TMEM132B: variants seen among roughly 807,000 people sequenced by gnomAD.
TMEM132B encodes transmembrane protein 132B.
TMEM132B carries 18 observed loss-of-function variants against 90.8 expected under a neutral mutation model. The observed-to-expected ratio is 0.20, with a 90% confidence interval of 0.14 to 0.29. TMEM132B has a LOEUF of 0.29. Among genes scored for constraint, TMEM132B ranks in the 10% least tolerant of loss-of-function variants. The probability of loss-of-function intolerance (pLI) is 1.00; values close to 1 mark genes in which losing one functional copy is unlikely to be tolerated. For missense variants in TMEM132B, 1,096 were observed against 1,326.8 expected, an observed-to-expected ratio of 0.83 and a Z score of 2.70; for synonymous variants, 504 against 523.3, an observed-to-expected ratio of 0.96 and a Z score of 0.50.
intron 5 of TMEM132B, among the ~76,000 whole-genome samples, chr12:125,600,059 T>C (rs1158157905): frequency 6.6e-6 from 1 of 152,220 alleles, no homozygotes; most frequent in Non-Finnish European, 1.5e-5. Context: ...GTTTGGGTTT[T>C]ATGCTATCAT....
intron 3 of TMEM132B, among the ~76,000 whole-genome samples, chr12:125,438,174 T>C (rs533767295): frequency 6.6e-6 from 1 of 152,338 alleles, no homozygotes; most frequent in South Asian, 2.1e-4. Flanking sequence ...GAATTAAACA[T>C]ATTTTTAAGA....
intron 2 of TMEM132B, among the ~76,000 whole-genome samples, chr12:125,400,165 CT>C (rs1879277987): frequency 6.6e-6 from 1 of 152,202 alleles, no homozygotes; most frequent in African/African-American, 2.4e-5. Context: ...AGTAGAAGCA[CT>C]GAAATAACTA....
intron 2 of TMEM132B, among the ~76,000 whole-genome samples, chr12:125,381,042 A>G (rs979865373): frequency 2.0e-5 from 3 of 152,184 alleles, no homozygotes; most frequent in Admixed American, 1.3e-4. Context: ...CAGAGAGAGA[A>G]AGGAAGACAC....
chr12:125,345,682 T>C (rs1211962337), intron 1 of TMEM132B, among the ~76,000 whole-genome samples: 1 of 152,188 alleles, frequency 6.6e-6, no homozygotes, highest in Admixed American at 6.5e-5. Context: ...GTGTTCTCTC[T>C]GAACCTGAAC....
At chr12:125,403,194 A>C (rs544291039) in intron 2 of TMEM132B, among the ~76,000 whole-genome samples, 2 of 152,138 alleles carry the variant, frequency 1.3e-5, no homozygotes, top group Non-Finnish European at 2.9e-5. Context: ...GAGACTCCCC[A>C]CTGAGCTGCT....
At chr12:125,205,157 T>G (rs983236941) in intron 1 of TMEM132B, among the ~76,000 whole-genome samples, 2 of 149,098 alleles carry the variant, frequency 1.3e-5, no homozygotes, top group Non-Finnish European at 3.0e-5. Flanking sequence ...ATCCTTTCAG[T>G]GAGGGCTCCA....
chr12:125,400,191 C>A (rs1879279202), intron 2 of TMEM132B, among the ~76,000 whole-genome samples: 1 of 152,180 alleles, frequency 6.6e-6, no homozygotes, highest in East Asian at 1.9e-4. Context: ...CATTCTTTTT[C>A]TTGTAAAAAT....
intron 1 of TMEM132B, among the ~76,000 whole-genome samples, chr12:125,283,367 G>A (rs924379812): frequency 6.6e-6 from 1 of 152,006 alleles, no homozygotes; most frequent in Non-Finnish European, 1.5e-5. Context: ...ATTATATTCC[G>A]GAAAGCTATT....
intron 3 of TMEM132B, among the ~76,000 whole-genome samples, chr12:125,514,969 G>A (rs1301115220): frequency 6.6e-6 from 1 of 152,144 alleles, no homozygotes; most frequent in Non-Finnish European, 1.5e-5. Context: ...GGGTCCCAGG[G>A]CTCCAGAGAG....
At chr12:125,509,147 C>G (rs994670904) in intron 3 of TMEM132B, among the ~76,000 whole-genome samples, 1 of 152,126 alleles carries the variant, frequency 6.6e-6, no homozygotes, top group Non-Finnish European at 1.5e-5. Flanking sequence ...ATATAACAGG[C>G]ACAGGGCTGG....
chr12:125,588,882 G>T (rs987221276), intron 5 of TMEM132B, among the ~76,000 whole-genome samples: 8 of 152,108 alleles, frequency 5.3e-5, no homozygotes, highest in African/African-American at 1.7e-4. Context: ...ACTTGTAATT[G>T]AATTGTTAAA....
intron 2 of TMEM132B, among the ~76,000 whole-genome samples, chr12:125,366,676 TTG>T (rs1248452770): frequency 1.3e-5 from 2 of 152,224 alleles, no homozygotes; most frequent in Non-Finnish European, 2.9e-5. Context: ...CTTGGGTTTG[TTG>T]TGTAGTTAAA....
At chr12:125,299,101 C>T (rs373991134) in intron 1 of TMEM132B, among the ~76,000 whole-genome samples, 117 of 152,276 alleles carry the variant, frequency 7.7e-4, no homozygotes, top group Middle Eastern at 6.8e-3. Flanking sequence ...CGGGCTCAAG[C>T]GATCCTCCTG....
chr12:125,639,854 A>G (rs1236476261), intron 5 of TMEM132B, among the ~76,000 whole-genome samples: 1 of 152,216 alleles, frequency 6.6e-6, no homozygotes, highest in Non-Finnish European at 1.5e-5. Context: ...TGTCATTTAT[A>G]ATCCTTTTGG....
chr12:125,601,401 G>GT (rs1326447320), intron 5 of TMEM132B, among the ~76,000 whole-genome samples: 10 of 152,136 alleles, frequency 6.6e-5, no homozygotes, highest in East Asian at 1.9e-4. Flanking sequence ...AAATCAAGAA[G>GT]TTTTTTGAAA....
At chr12:125,479,724 C>CGAGATAGAAGGTTAA (rs1881989201) in intron 3 of TMEM132B, among the ~76,000 whole-genome samples, 1 of 152,176 alleles carries the variant, frequency 6.6e-6, no homozygotes, top group Non-Finnish European at 1.5e-5. Flanking sequence ...ACAAGGATAT[C>CGAGATAGAAGGTTAA]CAGGACTTGA....
Position 125,553,096 on chromosome 12 carries a change from C to T in TMEM132B, c.1294-30755C>T, listed in dbSNP as rs368094088. Reference sequence around the variant, plus strand: ...TTGTACAACACATGGCAACAAAGTGCCTTGTACCCAAATTGGTATATTATG... The same window carrying T: ...TTGTACAACACATGGCAACAAAGTGTCTTGTACCCAAATTGGTATATTATG... On this transcript the variant is annotated intron_variant, in intron 4 of 8. Coordinates refer to ENST00000682704, the MANE Select transcript of TMEM132B (RefSeq NM_001366854.1). Among the ~76,000 whole-genome samples the T allele has an allele frequency of 2.2e-4, 34 of 152,326 alleles. No homozygotes were observed. In the South Asian group the frequency reaches 7.0e-3, roughly 32 times the overall value.
At chr12:125,266,201 C>A (rs1462587133) in intron 1 of TMEM132B, among the ~76,000 whole-genome samples, 1 of 152,062 alleles carries the variant, frequency 6.6e-6, no homozygotes, top group Non-Finnish European at 1.5e-5. Flanking sequence ...TGCACTCCAG[C>A]CGGGGTGACA....
intron 3 of TMEM132B, among the ~76,000 whole-genome samples, chr12:125,499,499 G>A (rs1048457340): frequency 6.6e-6 from 1 of 152,216 alleles, no homozygotes; most frequent in Non-Finnish European, 1.5e-5. Flanking sequence ...TGGACATGCA[G>A]TCAGGGAGGT....
Sources: allele counts gnomAD v4.1 joint callset (sites outside exome capture counted in the v4.1 genomes callset), GRCh38; gene constraint gnomAD v4.1.1; transcripts MANE v1.5; gene names NCBI Gene and HGNC (gene_info 2026-07-23, HGNC 2026-07-21).